GATA3: variants seen among roughly 807,000 people sequenced by gnomAD.
GATA3 encodes GATA binding protein 3, also known as trans-acting T-cell-specific transcription factor GATA-3.
A neutral mutation model predicts 36.0 loss-of-function variants in GATA3; 6 were observed. That is an observed-to-expected ratio of 0.17 (90% CI 0.09 to 0.33). The LOEUF (loss-of-function observed/expected upper bound fraction) is 0.33, where lower values mean the gene tolerates loss of function less well. Among genes scored for constraint, GATA3 ranks in the 10% least tolerant of loss-of-function variants. GATA3 has a pLI of 1.00. For missense variants in GATA3, 514 were observed against 610.1 expected (o/e 0.84, Z 1.66); for synonymous variants, 326 against 273.0 (o/e 1.19, Z -1.92).
intron 4 of GATA3, among the ~76,000 whole-genome samples, chr10:8,067,177 A>G (rs1400560118): frequency 1.3e-5 from 2 of 152,214 alleles, no homozygotes; most frequent in East Asian, 1.9e-4. Context: ...ACCATATTTC[A>G]TAAAGGCAGT....
In GATA3 at chr10:8,055,948, G is replaced by C; in HGVS notation, c.241+52G>C. On this transcript the variant is annotated intron_variant, in intron 2 of 5. Transcript: ENST00000379328. The surrounding 1 kb of genome is among the most constrained non-coding windows in gnomAD (Gnocchi z 5.4). ...CCCGCCGGCCGCTTCAGCCGTCCCG[G>C]CTCGGGGAGGTCGGGAGGGACCTGA... is the stretch of plus-strand genomic sequence containing the variant. 1 of 1,549,034 alleles carries C rather than the reference G, an allele frequency of 6.5e-7. No homozygotes were observed. The highest frequency in any genetic ancestry group is 1.2e-5 in the South Asian group (1 of 83,950).
chr10:8,065,288 C>T (rs913063924), intron 4 of GATA3, among the ~76,000 whole-genome samples: 7 of 122,854 alleles, frequency 5.7e-5, no homozygotes, highest in South Asian at 2.7e-4. Context: ...GACAGAGTCT[C>T]ACTCTGTCAC....
Position 8,055,744 on chromosome 10 carries a change from G to T in GATA3, c.89G>T (p.Gly30Val). Residue 30 changes from glycine to valine, a missense_variant, in exon 2 of 6, where the codon GGC becomes GTC. Around this residue, in one of 3 missense-constraint regions of GATA3, gnomAD observed 381 missense variants for 354.3 expected, o/e 1.08. Coordinates refer to ENST00000379328, the MANE Select transcript of GATA3 (RefSeq NM_001002295.2). This position sits in a 1 kb window ranked among gnomAD's most constrained non-coding sequence, Gnocchi z 5.4. ...NGQHPDTHHP[G>V]LSHSYMDAAQ... ...CAGCACCCGGACACGCACCACCCGG[G>T]CCTCAGCCACTCCTACATGGACGCG... 1.3e-6 allele frequency: 2 copies of T among 1,578,404 alleles called. No homozygotes were observed. Among genetic ancestry groups the T allele is most frequent in the East Asian group, 2.3e-5 (1 of 42,818 alleles).
intron 1 of GATA3, among the ~76,000 whole-genome samples, chr10:8,047,182 T>G (rs141498276): frequency 1.1e-3 from 172 of 152,322 alleles, no homozygotes; most frequent in Middle Eastern, 6.8e-3. Context: ...TTTTGGGTTG[T>G]CCAGTTGCCC....
intron 4 of GATA3, among the ~76,000 whole-genome samples, 170 bp downstream of exon 4, chr10:8,064,308 CTTCT>C (rs1383806141): frequency 0.019 from 2,146 of 113,956 alleles, 19 homozygotes; most frequent in Admixed American, 0.039. Context: ...TTTTCTTCTT[CTTCT>C]TTTTTTTTTT....
chr10:8,066,532 C>T (rs1194155236), intron 4 of GATA3, among the ~76,000 whole-genome samples: 2 of 151,808 alleles, frequency 1.3e-5, no homozygotes, highest in Non-Finnish European at 2.9e-5. Context: ...ATTCCCTGAC[C>T]CTTTATTCCA....
At chr10:8,070,553 C>G (rs904422059) in intron 5 of GATA3, among the ~76,000 whole-genome samples, 10 of 152,126 alleles carry the variant, frequency 6.6e-5, no homozygotes, top group African/African-American at 2.4e-4. Context: ...CTTGGCCAAC[C>G]TGACTTTGGC....
chr10:8,070,578 A>C (rs1564404015), intron 5 of GATA3, among the ~76,000 whole-genome samples: 2 of 152,188 alleles, frequency 1.3e-5, no homozygotes, highest in Admixed American at 1.3e-4. Flanking sequence ...TCCGGGGCTG[A>C]ACAGGGAGGA....
chr10:8,056,046 A>C, intron 2 of GATA3, 150 bp downstream of exon 2: 1 of 1,076,624 alleles, frequency 9.3e-7, no homozygotes, highest in Non-Finnish European at 1.4e-6. Flanking sequence ...GGGGCCCGGA[A>C]ATGGGCGAGG....
chr10:8,067,724 A>G (rs893761364), intron 4 of GATA3, among the ~76,000 whole-genome samples: 1 of 152,244 alleles, frequency 6.6e-6, no homozygotes, highest in African/African-American at 2.4e-5. Context: ...AGGCTGAGGC[A>G]GGAGAATGGT....
intron 4 of GATA3, among the ~76,000 whole-genome samples, chr10:8,064,704 C>A (rs1832807390): frequency 6.6e-6 from 1 of 152,226 alleles, no homozygotes. Context: ...AACCAGTGAG[C>A]CTAATGCCAC....
chr10:8,058,736 T>C lies in GATA3; in HGVS notation c.673T>C (p.Tyr225His). 6.2e-7 allele frequency: 1 copy of C among 1,612,220 alleles called. No homozygotes were observed. The highest frequency in any genetic ancestry group is 8.5e-7 in the Non-Finnish European group (1 of 1,179,864). The stretch of plus-strand genomic sequence containing the variant: ...CCACCCCATCACCACCTACCCGCCC[T>C]ACGTGCCCGAGTACAGCTCCGGACT... ...THHPITTYPP[Y>H]VPEYSSGLFP... The change falls in exon 3 of 6, where the codon TAC (tyrosine) becomes CAC (histidine). Residue 225 changes from tyrosine to histidine, a missense_variant. By Grantham distance (83) the Tyr-to-His change is moderately conservative. Transcript: ENST00000379328.
rs558905875 is a variant in GATA3 at position 8,072,552 on chromosome 10, A to C, written c.1051-1187A>C. Among the ~76,000 whole-genome samples, 3 of 152,326 alleles carry C rather than the reference A, an allele frequency of 2.0e-5. No individual in the cohort carries two copies. In the South Asian group the frequency reaches 6.2e-4, roughly 32 times the overall value. ...TTCCTTTCTTGATTCTGGGCCCCCA[A>C]AGCAAATGTATTTTTAAAGGCAAAT... is the stretch of plus-strand genomic sequence containing the variant. On this transcript the variant is annotated intron_variant, in intron 5 of 5. Transcript: ENST00000379328.
At chr10:8,067,521 C>T (rs1326420382) in intron 4 of GATA3, among the ~76,000 whole-genome samples, 4 of 152,110 alleles carry the variant, frequency 2.6e-5, no homozygotes, top group Non-Finnish European at 4.4e-5. Flanking sequence ...TGATATAAAA[C>T]TGTACCAGAA....
At chr10:8,062,646 C>T (rs955139754) in intron 3 of GATA3, among the ~76,000 whole-genome samples, 5 of 152,168 alleles carry the variant, frequency 3.3e-5, no homozygotes, top group African/African-American at 1.2e-4. Flanking sequence ...TCTTCTTCTA[C>T]CCCAGTGGTC....
intron 2 of GATA3, among the ~76,000 whole-genome samples, chr10:8,056,343 T>C (rs1832638531): frequency 6.6e-6 from 1 of 152,200 alleles, no homozygotes; most frequent in East Asian, 1.9e-4. Flanking sequence ...TGTTACCCGC[T>C]AGCTCTTTCT....
intron 2 of GATA3, among the ~76,000 whole-genome samples, chr10:8,056,443 C>G (rs1395990375): frequency 1.3e-5 from 2 of 152,240 alleles, no homozygotes; most frequent in Non-Finnish European, 2.9e-5. Flanking sequence ...TTTATTCACA[C>G]CCTTCTCCTT....
upstream of GATA3, among the ~76,000 whole-genome samples, chr10:8,048,739 TC>T (rs1564392830): frequency 6.6e-6 from 1 of 151,648 alleles, no homozygotes; most frequent in African/African-American, 2.4e-5. Flanking sequence ...AACCCGGGGC[TC>T]CCCCCAACTG....
At chr10:8,057,619 C>G (rs1385922312) in intron 2 of GATA3, among the ~76,000 whole-genome samples, 1 of 152,100 alleles carries the variant, frequency 6.6e-6, no homozygotes. Context: ...TCCAACAGCC[C>G]GAGCAATGAA....
Sources: allele counts gnomAD v4.1 joint callset (sites outside exome capture counted in the v4.1 genomes callset), GRCh38; gene constraint gnomAD v4.1.1; regional missense constraint gnomAD v4.1.1; non-coding constraint Gnocchi (gnomAD v3.1); transcripts MANE v1.5; gene names NCBI Gene and HGNC (gene_info 2026-07-23, HGNC 2026-07-21).